FSTL5: variants seen among roughly 807,000 people sequenced by gnomAD.
FSTL5 encodes the protein follistatin-related protein 5.
Under a neutral mutation model 89.1 loss-of-function variants are expected in FSTL5, and 62 were observed. The observed-to-expected ratio is 0.70, with a 90% confidence interval of 0.57 to 0.86. FSTL5 has a LOEUF of 0.86. Ranked by LOEUF, FSTL5 falls within the 40% of genes least tolerant of loss-of-function variation. The pLI, the probability that FSTL5 is intolerant of heterozygous loss-of-function variation, is 0.00. For synonymous variants in FSTL5, 383 were observed against 346.2 expected, an observed-to-expected ratio of 1.11 and a Z score of -1.18; for missense variants, 1,057 against 1,001.6, an observed-to-expected ratio of 1.06 and a Z score of -0.75.
intron 4 of FSTL5, among the ~76,000 whole-genome samples, chr4:161,841,938 A>C (rs1405529914): frequency 6.6e-6 from 1 of 152,020 alleles, no homozygotes; most frequent in African/African-American, 2.4e-5. Context: ...GCATTGAAGG[A>C]TGTGAGGCTG....
rs1443209759 is a variant in FSTL5 at position 161,384,446 on chromosome 4, T to C, written c.*1301A>G. On this transcript the variant is annotated 3_prime_UTR_variant, in exon 16 of 16. Transcript: ENST00000306100. Reference sequence around the variant, plus strand: ...CAGCTCTCTAGTTTTAATCTACTTCTGCTGGCCTTCTCATTTCCTCTTAAA... The same window carrying C: ...CAGCTCTCTAGTTTTAATCTACTTCCGCTGGCCTTCTCATTTCCTCTTAAA... 1.3e-5 allele frequency: 2 copies of C among 152,168 alleles called. No individual in the cohort carries two copies. The highest frequency in any genetic ancestry group is 3.8e-4 in the East Asian group (2 of 5,196). The allele number at this position is 152,168 out of a possible 1,614,324, so 9.4% of individuals were successfully genotyped here.
At chr4:162,036,430 G>A (rs916550827) in intron 2 of FSTL5, among the ~76,000 whole-genome samples, 1 of 151,846 alleles carries the variant, frequency 6.6e-6, no homozygotes, top group African/African-American at 2.4e-5. Flanking sequence ...TAAACATGTT[G>A]ACTTTGAAAT....
intron 2 of FSTL5, among the ~76,000 whole-genome samples, chr4:162,081,867 T>G (rs1323836933): frequency 6.6e-6 from 1 of 151,334 alleles, no homozygotes; most frequent in Non-Finnish European, 1.5e-5. Flanking sequence ...GAATATTTAC[T>G]TCAATGATTT....
Position 161,481,169 on chromosome 4 carries a change from C to G in FSTL5, c.1459G>C (p.Asp487His). ...CCCTCAGCTTTGGGACAGACTTCAT[C>G]CTGTAATTTAGGAAAGAGAAAATGA... ...KPSEKLLGFQ[D>H]EVCPKAEGDE... The change falls in exon 13 of 16, where the codon GAT becomes CAT. Residue 487 changes from aspartate to histidine, a missense_variant and splice_region_variant. Physicochemically the swap from Asp to His is moderately conservative, Grantham distance 81. Coordinates refer to ENST00000306100, the MANE Select transcript of FSTL5 (RefSeq NM_020116.5). 2 of 1,594,366 alleles carry G rather than the reference C, an allele frequency of 1.3e-6. No individual in the cohort carries two copies. Among genetic ancestry groups the G allele is most frequent in the Middle Eastern group, 1.7e-4 (1 of 5,964 alleles).
intron 3 of FSTL5, among the ~76,000 whole-genome samples, chr4:162,006,348 C>T (rs2111119273): frequency 6.6e-6 from 1 of 151,858 alleles, no homozygotes; most frequent in East Asian, 1.9e-4. Context: ...ATGAGTAAAA[C>T]TAGAGCTTTT....
intron 4 of FSTL5, among the ~76,000 whole-genome samples, chr4:161,827,227 G>T (rs1730696122): frequency 6.6e-6 from 1 of 152,138 alleles, no homozygotes; most frequent in African/African-American, 2.4e-5. Flanking sequence ...TTCTCTTCTG[G>T]ATTTAGCTAG....
chr4:161,883,797 A>T (rs185131411), intron 4 of FSTL5, among the ~76,000 whole-genome samples: 49 of 152,278 alleles, frequency 3.2e-4, no homozygotes, highest in Non-Finnish European at 5.1e-4. Context: ...TCATCTAATG[A>T]TGTTACCGGC....
chr4:161,513,812 G>C (rs2126504913), intron 10 of FSTL5, among the ~76,000 whole-genome samples: 1 of 152,152 alleles, frequency 6.6e-6, no homozygotes, highest in East Asian at 1.9e-4. Flanking sequence ...ACATGAAAGA[G>C]AACACACTGA....
At chr4:161,400,725 T>C (rs1251258163) in intron 15 of FSTL5, among the ~76,000 whole-genome samples, 2 of 152,104 alleles carry the variant, frequency 1.3e-5, no homozygotes, top group Admixed American at 1.3e-4. Context: ...CAAAAAATGT[T>C]TGTAGTACAA....
chr4:161,636,299 A>G (rs1735696600), intron 7 of FSTL5, among the ~76,000 whole-genome samples: 1 of 152,116 alleles, frequency 6.6e-6, no homozygotes, highest in Non-Finnish European at 1.5e-5. Context: ...TTTGAGTCAA[A>G]CTGTACCCAA....
At chr4:161,437,377 T>G (rs1483495073) in intron 15 of FSTL5, among the ~76,000 whole-genome samples, 3 of 151,754 alleles carry the variant, frequency 2.0e-5, no homozygotes, top group Non-Finnish European at 2.9e-5. Context: ...CCATCCTGGC[T>G]AACACGGTGA....
At chr4:161,641,482 A>G (rs1735954601) in intron 7 of FSTL5, among the ~76,000 whole-genome samples, 1 of 151,682 alleles carries the variant, frequency 6.6e-6, no homozygotes, top group African/African-American at 2.4e-5. Context: ...TAGATATCCA[A>G]ATTAGAGGGT....
chr4:162,077,465 T>G (rs1395992176), intron 2 of FSTL5, among the ~76,000 whole-genome samples: 1 of 151,930 alleles, frequency 6.6e-6, no homozygotes, highest in African/African-American at 2.4e-5. Context: ...TCACTTAATG[T>G]AGCTATCTTA....
At chr4:161,593,476 C>T (rs1315434629) in intron 7 of FSTL5, among the ~76,000 whole-genome samples, 1 of 149,456 alleles carries the variant, frequency 6.7e-6, no homozygotes, top group Non-Finnish European at 1.5e-5. Flanking sequence ...TAAAAATCTT[C>T]TGACAGAGAA....
At position 162,131,340 on chromosome 4, in the gene FSTL5, T is replaced by C. The variant is rs936233984; in HGVS notation, c.-16-19928A>G. Among the ~76,000 whole-genome samples, 6 of 152,234 alleles carry C rather than the reference T, an allele frequency of 3.9e-5. No homozygotes were observed. The East Asian group carries it at 9.6e-4, about 24-fold the overall frequency. ...ATATTTTATATTAAATGAATGAATGTATTTGTTTATACTCACATGGTGACA... is the reference window on the plus strand; with the variant it reads ...ATATTTTATATTAAATGAATGAATGCATTTGTTTATACTCACATGGTGACA... On this transcript the variant is annotated intron_variant, in intron 1 of 15. Coordinates refer to ENST00000306100, the MANE Select transcript of FSTL5 (RefSeq NM_020116.5).
chr4:162,063,125 C>A (rs1053063051), intron 2 of FSTL5, among the ~76,000 whole-genome samples: 7 of 151,602 alleles, frequency 4.6e-5, no homozygotes, highest in African/African-American at 1.7e-4. Flanking sequence ...GGTCCCTAGC[C>A]CTTCTGGGTT....
intron 15 of FSTL5, among the ~76,000 whole-genome samples, chr4:161,422,960 C>G (rs1560887591): frequency 6.6e-6 from 1 of 152,136 alleles, no homozygotes; most frequent in Non-Finnish European, 1.5e-5. Flanking sequence ...ATGGAGACCA[C>G]AAGGAAGAAA....
rs1336200012 is a variant in FSTL5, at chr4:161,455,957, A to G, written c.1717-829T>C. Among the ~76,000 whole-genome samples the G allele has an allele frequency of 2.6e-5, 4 of 152,036 alleles. No individual in the cohort carries two copies. In the East Asian group the frequency reaches 7.7e-4, roughly 29 times the overall value. On this transcript the variant is annotated intron_variant, in intron 14 of 15. Coordinates refer to ENST00000306100, the MANE Select transcript of FSTL5 (RefSeq NM_020116.5). ...AAAGTAATTCTCCCTCAAGACTAAAACTTCTCCTTTGGTTTTTATGACAAG... is the reference window on the plus strand; with the variant it reads ...AAAGTAATTCTCCCTCAAGACTAAAGCTTCTCCTTTGGTTTTTATGACAAG...
chr4:162,042,393 A>G (rs1337879745), intron 2 of FSTL5, among the ~76,000 whole-genome samples: 1 of 152,048 alleles, frequency 6.6e-6, no homozygotes, highest in Non-Finnish European at 1.5e-5. Flanking sequence ...GTCTTTAAGA[A>G]TTTTCCCAGT....
Sources: gnomAD v4.1 joint callset for allele counts (sites outside exome capture counted in the v4.1 genomes callset) on GRCh38, gnomAD v4.1.1 for gene constraint, MANE v1.5 for transcripts, NCBI Gene and HGNC (gene_info 2026-07-23, HGNC 2026-07-21) for gene names.